The following SH3BP2 variants were observed in gnomAD, a reference collection of about 807,000 sequenced individuals.
The protein encoded by SH3BP2 is SH3 domain binding protein 2.
Under a neutral mutation model 56.2 loss-of-function variants are expected in SH3BP2, and 38 were observed. The ratio of observed to expected loss-of-function variants is 0.68; its 90% CI spans 0.52 to 0.89. The LOEUF (loss-of-function observed/expected upper bound fraction) is 0.89. Ranked by LOEUF, SH3BP2 falls within the 40% of genes least tolerant of loss-of-function variation. SH3BP2 has a pLI of 0.00. For synonymous variants in SH3BP2, 346 were observed against 316.7 expected (o/e 1.09, Z -0.98); for missense variants, 748 against 762.6 (o/e 0.98, Z 0.23).
intron 1 of SH3BP2, among the ~76,000 whole-genome samples, 185 bp downstream of exon 1, chr4:2,793,323 G>C (rs1722959467): frequency 6.9e-6 from 1 of 145,618 alleles, no homozygotes; most frequent in African/African-American, 2.5e-5. Flanking sequence ...GAGTCTCCGG[G>C]GAGTCTCAGG....
In SH3BP2 at chr4:2,818,850, G is replaced by T. The variant is rs534227801; in HGVS notation, c.-4-1764G>T. On this transcript the variant is annotated intron_variant, in intron 1 of 12. Transcript: ENST00000503393. ...CCCAGGCCGAGGCCGGCAGAAGACA[G>T]CCTGATGCCTTGAAGACTTCCTCTT... The T allele has an allele frequency of 1.8e-5, 18 of 985,960 alleles. 1 individual carries two copies. The South Asian group carries it at 6.6e-4, about 36-fold the overall frequency. The allele number at this position is 985,960 out of a possible 1,614,324, so 61.1% of individuals were successfully genotyped here.
Position 2,829,768 on chromosome 4 carries a change from G to A in SH3BP2, c.862G>A (p.Ala288Thr), listed in dbSNP as rs756606586. ...TCCCCCTCTGAGCACCATGCCCACC[G>A]CACCCGGCCTCCGGAAACCCCCTTG... ...SDPPLSTMPTAPGLRKPPCFR... is the reference protein window; with the variant it reads ...SDPPLSTMPTTPGLRKPPCFR... The change falls in exon 8 of 13, where the codon GCA (alanine) becomes ACA (threonine). Residue 288 changes from alanine to threonine, a missense_variant. Ala to Thr is a moderately conservative substitution (Grantham distance 58, BLOSUM62 0). Transcript: ENST00000503393. This position sits in a 1 kb window ranked among gnomAD's most constrained non-coding sequence, Gnocchi z 4.9. 2.1e-5 allele frequency: 34 copies of A among 1,612,666 alleles called. No homozygotes were observed. In the East Asian group the frequency reaches 3.6e-4, roughly 17 times the overall value.
chr4:2,812,553 C>T (rs1723797248), intron 1 of SH3BP2: 2 of 1,494,272 alleles, frequency 1.3e-6, no homozygotes, highest in Non-Finnish European at 1.8e-6. Context: ...TAAGGGGGCC[C>T]CACGTGGGAG....
chr4:2,823,834 C>T (rs1724443672), intron 3 of SH3BP2, among the ~76,000 whole-genome samples: 1 of 152,258 alleles, frequency 6.6e-6, no homozygotes, highest in African/African-American at 2.4e-5. Context: ...CCGGCCTGCA[C>T]CCTGGCCACA....
At chr4:2,805,078 C>T (rs888983498) in intron 1 of SH3BP2, among the ~76,000 whole-genome samples, 4 of 152,230 alleles carry the variant, frequency 2.6e-5, no homozygotes, top group South Asian at 2.1e-4. Context: ...CCAACCTTCA[C>T]ACCCACTGTG....
At chr4:2,794,849 C>T (rs1397614902) in intron 1 of SH3BP2, among the ~76,000 whole-genome samples, 6 of 152,150 alleles carry the variant, frequency 3.9e-5, no homozygotes, top group Admixed American at 6.5e-5. Flanking sequence ...CAGGGATGCA[C>T]GCACACAAGC....
rs990111277 is a variant in SH3BP2 at position 2,835,207 on chromosome 4, G to C, written c.*1373G>C. ...TTGGGCCCACTGACAGTGACTGACT[G>C]GGGGAGAAGGTCCTGCAGCCCCCTT... On this transcript the variant is annotated 3_prime_UTR_variant, in exon 13 of 13. Transcript: ENST00000503393. The C allele has an allele frequency of 6.6e-6, 1 of 152,264 alleles. No individual in the cohort carries two copies. The highest frequency in any genetic ancestry group is 1.9e-4 in the East Asian group (1 of 5,200). The allele number at this position is 152,264 out of a possible 1,614,324, so 9.4% of individuals were successfully genotyped here.
At chr4:2,801,365 G>A (rs761122028) in intron 1 of SH3BP2, among the ~76,000 whole-genome samples, 9 of 152,232 alleles carry the variant, frequency 5.9e-5, no homozygotes, top group Non-Finnish European at 1.0e-4. Flanking sequence ...AGGCTCTGGG[G>A]TTCCCAGGCT....
chr4:2,825,120 C>T lies in SH3BP2; in HGVS notation c.358-6C>T. 6.4e-7 allele frequency: 1 copy of T among 1,568,262 alleles called. No individual in the cohort carries two copies. The highest frequency in any genetic ancestry group is 8.6e-7 in the Non-Finnish European group (1 of 1,156,394). The stretch of plus-strand genomic sequence containing the variant: ...CCGTGCCCACCACAGCCCCGCTGAC[C>T]TGCAGAGCTGGATGGCCTTGCTGCG... On this transcript the variant is annotated splice_region_variant and splice_polypyrimidine_tract_variant and intron_variant, in intron 4 of 12. Transcript: ENST00000503393.
chr4:2,797,466 C>G (rs1327554614), intron 1 of SH3BP2, among the ~76,000 whole-genome samples: 1 of 152,240 alleles, frequency 6.6e-6, no homozygotes, highest in Admixed American at 6.5e-5. Flanking sequence ...AGACAGGCCA[C>G]AGGTCAGAGG....
Position 2,831,995 on chromosome 4 carries a change from G to A in SH3BP2, c.1406+17G>A, listed in dbSNP as rs1725014841. 4 of 1,611,926 alleles carry A rather than the reference G, an allele frequency of 2.5e-6. No individual in the cohort carries two copies. The highest frequency in any genetic ancestry group is 1.3e-5 in the African/African-American group (1 of 74,922). The stretch of plus-strand genomic sequence containing the variant: ...AGTGGAAAGGTCAGCACAAAGCCCT[G>A]TGTGTGCTGGGTCCTCCGCCATGCC... On this transcript the variant is annotated intron_variant, in intron 10 of 12. Transcript: ENST00000503393. The surrounding 1 kb of genome is among the most constrained non-coding windows in gnomAD (Gnocchi z 4.1).
Sources: gnomAD v4.1 joint callset for allele counts (sites outside exome capture counted in the v4.1 genomes callset) on GRCh38, gnomAD v4.1.1 for gene constraint, Gnocchi (gnomAD v3.1) non-coding constraint, MANE v1.5 for transcripts, NCBI Gene and HGNC (gene_info 2026-07-23, HGNC 2026-07-21) for gene names.